Variants in LIG3 observed in about 807,000 individuals in gnomAD.
The protein encoded by LIG3 is DNA ligase 3, also known as ligase II, DNA, ATP-dependent.
A neutral mutation model predicts 110.9 loss-of-function variants in LIG3; 58 were observed. The ratio of observed to expected loss-of-function variants is 0.52; its 90% CI spans 0.42 to 0.65. LIG3 has a LOEUF of 0.65. LIG3 is among the 30% of genes least tolerant of loss of function. The pLI is 0.00. For synonymous variants in LIG3, 422 were observed against 472.8 expected (o/e 0.89, Z 1.39); for missense variants, 1,094 against 1,273.8 (o/e 0.86, Z 2.15).
At chr17:34,982,963 CTTTT>C (rs3084117) in intron 1 of LIG3, 35 bp from the exon 2 acceptor site, 3,086 of 1,236,420 alleles carry the variant, frequency 2.5e-3, no homozygotes, top group South Asian at 4.8e-3. Context: ...TTGTTTATAT[CTTTT>C]TTTTTTTTTT....
At chr17:35,000,988 T>A (rs1271052640) in intron 16 of LIG3, among the ~76,000 whole-genome samples, 3 of 152,052 alleles carry the variant, frequency 2.0e-5, no homozygotes, top group African/African-American at 4.8e-5. Context: ...CACTGCAACC[T>A]CTGCCTCCTG....
Position 35,006,468 on chromosome 17 carries a change from A to T in LIG3, c.*1962A>T, listed in dbSNP as rs2090896019. 1 of 152,268 alleles carries T rather than the reference A, an allele frequency of 6.6e-6. No homozygotes were observed. The highest frequency in any genetic ancestry group is 1.5e-5 in the Non-Finnish European group (1 of 68,094). 9.4% of individuals were successfully genotyped at this position (152,268 alleles called of 1,614,324 possible). ...CCTCCAAGTAGAATGGGTGCACCTA[A>T]ATCATAGGGTTGTCCTGTTGTCCTG... On this transcript the variant is annotated 3_prime_UTR_variant, in exon 20 of 20. Transcript: ENST00000378526.
At position 34,980,563 on chromosome 17, in the gene LIG3, C is replaced by T. The variant is rs746659732; in HGVS notation, c.-64C>T. 3.0e-5 allele frequency: 39 copies of T among 1,287,722 alleles called. No individual in the cohort carries two copies. Among genetic ancestry groups the T allele is most frequent in the African/African-American group, 1.5e-4 (10 of 65,770 alleles). The allele number at this position is 1,287,722 out of a possible 1,614,324, so 79.8% of individuals were successfully genotyped here. A position where few individuals can be genotyped will look rare whatever the true frequency, so the allele number is the denominator to read the frequency against. On this transcript the variant is annotated 5_prime_UTR_variant, in exon 1 of 20. Coordinates refer to ENST00000378526, the MANE Select transcript of LIG3 (RefSeq NM_013975.4). ...AGGCGCTCCAACCGTCGTGGGCTGCCCGCGGCCTGTAATGAGCAAGTTCCG... is the reference window on the plus strand; with the variant it reads ...AGGCGCTCCAACCGTCGTGGGCTGCTCGCGGCCTGTAATGAGCAAGTTCCG...
chr17:35,003,295 C>T (rs2090864499), intron 19 of LIG3: 2 of 750,490 alleles, frequency 2.7e-6, no homozygotes, highest in Non-Finnish European at 4.1e-6. Context: ...GGCAACATCT[C>T]CTGAGCAATT....
intron 8 of LIG3, 142 bp downstream of exon 8, chr17:34,992,834 G>T: frequency 3.7e-6 from 3 of 819,822 alleles, no homozygotes; most frequent in Non-Finnish European, 1.7e-6. Context: ...GGTGCAAGGG[G>T]GTATTTCTCT....
Position 35,001,329 on chromosome 17 carries a change from A to G in LIG3, c.2404A>G (p.Ile802Val), listed in dbSNP as rs747690675. ...SEAHTADGIS[I>V]RFPRCTRIRD... ...GGCTCATACAGCTGACGGGATCTCCATCCGATTCCCTCGCTGCACCCGAAT... is the reference window on the plus strand; with the variant it reads ...GGCTCATACAGCTGACGGGATCTCCGTCCGATTCCCTCGCTGCACCCGAAT... Residue 802 changes from isoleucine to valine, a missense_variant, in exon 17 of 20, where the codon ATC becomes GTC. Transcript: ENST00000378526. The G allele has an allele frequency of 6.2e-7, 1 of 1,614,162 alleles. No homozygotes were observed. The highest frequency in any genetic ancestry group is 1.1e-5 in the South Asian group (1 of 91,082).
chr17:34,983,491 G>A lies in LIG3; in HGVS notation c.486G>A (p.Glu162=). 3 of 1,614,140 alleles carry A rather than the reference G, an allele frequency of 1.9e-6. No individual in the cohort carries two copies. The highest frequency in any genetic ancestry group is 2.5e-6 in the Non-Finnish European group (3 of 1,180,008). The change falls in exon 2 of 20, where the codon GAG becomes GAA. Residue 162 remains glutamate, a synonymous_variant. Transcript: ENST00000378526. ...ATTKKIEDLT[E]LEGWEELEDN... ...CAAAAAAAATCGAGGACCTCACAGA[G>A]CTGGAAGGCTGGGAAGAGCTGGAAG...
Position 34,998,839 on chromosome 17 carries a change from G to A in LIG3, c.2113+112G>A, listed in dbSNP as rs754306337. 64 of 1,341,010 alleles carry A rather than the reference G, an allele frequency of 4.8e-5. 1 individual carries two copies. The highest frequency in any genetic ancestry group is 7.1e-5 in the East Asian group (3 of 41,992). 83.1% of individuals were successfully genotyped at this position (1,341,010 alleles called of 1,614,324 possible). Reference sequence around the variant, plus strand: ...GCCAGCATGGCCAGTTATGACTTCCGAAGTCCTAGGATCTAGGGCCCCAAG... The same window carrying A: ...GCCAGCATGGCCAGTTATGACTTCCAAAGTCCTAGGATCTAGGGCCCCAAG... On this transcript the variant is annotated intron_variant, in intron 14 of 19. Transcript: ENST00000378526.
At position 34,980,577 on chromosome 17, in the gene LIG3, G is replaced by A. The variant is rs2090570338; in HGVS notation, c.-50G>A. The A allele has an allele frequency of 7.8e-7, 1 of 1,287,568 alleles. No homozygotes were observed. The highest frequency in any genetic ancestry group is 1.0e-6 in the Non-Finnish European group (1 of 987,828). The allele number at this position is 1,287,568 out of a possible 1,614,324, so 79.8% of individuals were successfully genotyped here. On this transcript the variant is annotated 5_prime_UTR_variant, in exon 1 of 20. It removes an upstream start codon present in the reference 5' UTR. Transcript: ENST00000378526. Reference sequence around the variant, plus strand: ...TCGTGGGCTGCCCGCGGCCTGTAATGAGCAAGTTCCGAGGCCTACGGTGAG... The same window carrying A: ...TCGTGGGCTGCCCGCGGCCTGTAATAAGCAAGTTCCGAGGCCTACGGTGAG...
intron 8 of LIG3, 114 bp downstream of exon 8, chr17:34,992,806 T>G (rs145540690): frequency 9.2e-7 from 1 of 1,089,812 alleles, no homozygotes; most frequent in South Asian, 2.1e-5. Context: ...CTGGAGAAGT[T>G]TAGGGAAGGA....
chr17:35,003,316 T>A, intron 19 of LIG3: 1 of 575,688 alleles, frequency 1.7e-6, no homozygotes, highest in Non-Finnish European at 2.8e-6. Context: ...CTTTTTTTTT[T>A]TGAGATAAGT....
chr17:35,002,228 GAC>G lies in LIG3; in HGVS notation c.2674+128_2674+129del, dbSNP rs931996362. 20 of 832,150 alleles carry G rather than the reference GAC, an allele frequency of 2.4e-5. No individual in the cohort carries two copies. In the Admixed American group the frequency reaches 6.1e-4, roughly 25 times the overall value. 51.5% of individuals were successfully genotyped at this position (832,150 alleles called of 1,614,324 possible). A position where few individuals can be genotyped will look rare whatever the true frequency, so the allele number is the denominator to read the frequency against. On this transcript the variant is annotated intron_variant, in intron 18 of 19. Coordinates refer to ENST00000378526, the MANE Select transcript of LIG3 (RefSeq NM_013975.4). ...ATGATTATCTGTGTCCACTGCAGTG[GAC>G]ACAGACTACATTCCTGGTGTGTGTC...
At position 35,008,079 on chromosome 17, in the gene LIG3, CAG is replaced by C. The variant is rs1267431517; in HGVS notation, c.*3574_*3575del. The C allele has an allele frequency of 6.6e-6, 1 of 152,248 alleles. No homozygotes were observed. The highest frequency in any genetic ancestry group is 1.5e-5 in the Non-Finnish European group (1 of 68,062). 9.4% of individuals were successfully genotyped at this position (152,248 alleles called of 1,614,324 possible). A position where few individuals can be genotyped will look rare whatever the true frequency, so the allele number is the denominator to read the frequency against. On this transcript the variant is annotated 3_prime_UTR_variant, in exon 20 of 20. Coordinates refer to ENST00000378526, the MANE Select transcript of LIG3 (RefSeq NM_013975.4). Reference sequence around the variant, plus strand: ...TCTGAGCCATAGTCCAGCTGTACTACAGCTGTATCCAAAAGGTACCATGTATC... The same window carrying C: ...TCTGAGCCATAGTCCAGCTGTACTACCTGTATCCAAAAGGTACCATGTATC...
In LIG3 at chr17:35,006,449, AGTAG is replaced by A. The variant is rs2090895918; in HGVS notation, c.*1944_*1947del. On this transcript the variant is annotated 3_prime_UTR_variant, in exon 20 of 20. Transcript: ENST00000378526. ...TAACATCTAAGCCTCAATCCCTCCA[AGTAG>A]AATGGGTGCACCTAAATCATAGGGT... The A allele has an allele frequency of 6.6e-6, 1 of 152,452 alleles. No individual in the cohort carries two copies. The highest frequency in any genetic ancestry group is 2.4e-5 in the African/African-American group (1 of 41,576). 9.4% of individuals were successfully genotyped at this position (152,452 alleles called of 1,614,324 possible). A position where few individuals can be genotyped will look rare whatever the true frequency, so the allele number is the denominator to read the frequency against.
chr17:34,984,647 CT>C (rs1048138062), intron 2 of LIG3, among the ~76,000 whole-genome samples: 3,377 of 132,744 alleles, frequency 0.025, 90 homozygotes, highest in African/African-American at 0.082. Context: ...TCTGTTTCTT[CT>C]TTTTTTTTTT....
Position 34,991,023 on chromosome 17 carries a change from C to T in LIG3, c.950C>T (p.Thr317Ile), listed in dbSNP as rs2090714256. ...CTGCTGCTGCCAGGAGTCATTAAGA[C>T]TGTTTACAACTTGAACGATAAGCAG... The part of the protein sequence containing the change: ...VKLLLPGVIK[T>I]VYNLNDKQIV... The change falls in exon 5 of 20, where the codon ACT becomes ATT. Residue 317 changes from threonine to isoleucine, a missense_variant. Coordinates refer to ENST00000378526, the MANE Select transcript of LIG3 (RefSeq NM_013975.4). The T allele has an allele frequency of 1.9e-6, 3 of 1,614,142 alleles. No homozygotes were observed. Among genetic ancestry groups the T allele is most frequent in the Non-Finnish European group, 2.5e-6 (3 of 1,179,986 alleles).
chr17:34,991,832 C>G lies in LIG3; in HGVS notation c.1203C>G (p.Ala401=), dbSNP rs746143046. 19 of 1,613,968 alleles carry G rather than the reference C, an allele frequency of 1.2e-5. No individual in the cohort carries two copies. The highest frequency in any genetic ancestry group is 1.5e-5 in the Non-Finnish European group (18 of 1,179,990). ...DEQQQALQDI[A]SRCTANDLKC... is the part of the protein sequence containing the mutation. ...AGCAACAGGCCCTACAGGACATTGC[C>G]TCCAGGTGGGGGAGCTGCCTCCGTC... is the stretch of plus-strand genomic sequence containing the variant. Residue 401 remains alanine (A), a synonymous_variant, in exon 6 of 20, where the codon GCC becomes GCG. Coordinates refer to ENST00000378526, the MANE Select transcript of LIG3 (RefSeq NM_013975.4).
In LIG3 at chr17:35,009,552, C is replaced by T. The variant is rs535246251; in HGVS notation, c.*5046C>T. 7.0e-4 allele frequency: 106 copies of T among 151,252 alleles called. No individual in the cohort carries two copies. Among genetic ancestry groups the T allele is most frequent in the African/African-American group, 2.5e-3 (101 of 41,120 alleles). The allele number at this position is 151,252 out of a possible 1,614,324, so 9.4% of individuals were successfully genotyped here. A position where few individuals can be genotyped will look rare whatever the true frequency, so the allele number is the denominator to read the frequency against. On this transcript the variant is annotated 3_prime_UTR_variant, in exon 20 of 20. Coordinates refer to ENST00000378526, the MANE Select transcript of LIG3 (RefSeq NM_013975.4). ...TATTAACTGGAATGGGATCTTGGAA[C>T]TCCCAACTTTAATTTGGTGTAATAA...
Position 34,991,091 on chromosome 17 carries a change from G to A in LIG3, c.1018G>A (p.Asp340Asn), listed in dbSNP as rs150154135. The change falls in exon 5 of 20, where the codon GAT becomes AAT. Residue 340 changes from aspartate (D) to asparagine (N), a missense_variant. Coordinates refer to ENST00000378526, the MANE Select transcript of LIG3 (RefSeq NM_013975.4). ...FSRIFNCNPDDMARDLEQGDV... is the reference protein window; with the variant it reads ...FSRIFNCNPDNMARDLEQGDV... The stretch of plus-strand genomic sequence containing the variant: ...TCGCATTTTTAACTGCAACCCAGAT[G>A]ATATGGCACGGGACCTAGAGCAGGT... The A allele has an allele frequency of 2.4e-5, 38 of 1,614,016 alleles. No homozygotes were observed. The African/African-American group carries it at 2.9e-4, about 12-fold the overall frequency.
Sources: gnomAD v4.1 joint callset for allele counts (sites outside exome capture counted in the v4.1 genomes callset) on GRCh38, gnomAD v4.1.1 for gene constraint, MANE v1.5 for transcripts, NCBI Gene and HGNC (gene_info 2026-07-23, HGNC 2026-07-21) for gene names.